CDC123: variants seen among roughly 807,000 people sequenced by gnomAD.
CDC123 encodes cell division cycle 123.
In CDC123, 37 loss-of-function variants were observed where a neutral mutation model predicts 54.4. That is an observed-to-expected ratio of 0.68 (90% CI 0.52 to 0.89). The LOEUF (loss-of-function observed/expected upper bound fraction) is 0.89, where lower values mean the gene tolerates loss of function less well. CDC123 is among the 40% of genes least tolerant of loss of function. The pLI, the probability that CDC123 is intolerant of heterozygous loss-of-function variation, is 0.00. For synonymous variants in CDC123, 144 were observed against 136.8 expected, an observed-to-expected ratio of 1.05 and a Z score of -0.37; for missense variants, 361 against 412.1, an observed-to-expected ratio of 0.88 and a Z score of 1.07.
chr10:12,204,132 A>T (rs1835482521), intron 2 of CDC123, among the ~76,000 whole-genome samples: 1 of 151,564 alleles, frequency 6.6e-6, no homozygotes, highest in Non-Finnish European at 1.5e-5. Flanking sequence ...TCTGATAAGT[A>T]ATGTATTTGG....
At chr10:12,237,432 TTTATTA>T (rs776471772) in intron 9 of CDC123, 166 bp downstream of exon 9, 3 of 494,788 alleles carry the variant, frequency 6.1e-6, no homozygotes, top group East Asian at 4.5e-5. Flanking sequence ...TTAATTTCTT[TTTATTA>T]TTATTATTTT....
chr10:12,242,481 C>T (rs1033295985), intron 10 of CDC123, among the ~76,000 whole-genome samples: 1 of 152,022 alleles, frequency 6.6e-6, no homozygotes, highest in African/African-American at 2.4e-5. Flanking sequence ...TTTTGTGTTA[C>T]GATCTTCATG....
At chr10:12,197,409 T>C (rs1397739566) in intron 1 of CDC123, among the ~76,000 whole-genome samples, 1 of 152,114 alleles carries the variant, frequency 6.6e-6, no homozygotes, top group Admixed American at 6.6e-5. Flanking sequence ...AGAGTTTTGT[T>C]CTGTCGCCCA....
rs376245493 is a variant in CDC123, at chr10:12,215,786, A to T, written c.284A>T (p.Asn95Ile). 2 of 1,612,832 alleles carry T rather than the reference A, an allele frequency of 1.2e-6. No individual in the cohort carries two copies. Among genetic ancestry groups the T allele is most frequent in the Non-Finnish European group, 1.7e-6 (2 of 1,179,654 alleles). ...GCCACTAAAGTCCAGGAAGCTATCA[A>T]TTCCCTCGGGGGCAGTGTCTTTCCT... is the stretch of plus-strand genomic sequence containing the variant. Reference protein sequence around the residue: ...EFATKVQEAINSLGGSVFPKL... With the variant: ...EFATKVQEAIISLGGSVFPKL... The change falls in exon 5 of 13, where the codon AAT becomes ATT. Residue 95 changes from asparagine to isoleucine, a missense_variant. Asn to Ile is a moderately radical substitution (Grantham distance 149). Transcript: ENST00000281141.
At chr10:12,214,743 A>G (rs191715812) in intron 4 of CDC123, among the ~76,000 whole-genome samples, 1 of 151,638 alleles carries the variant, frequency 6.6e-6, no homozygotes, top group East Asian at 1.9e-4. Context: ...CCACATAACT[A>G]TTTGATGTCA....
chr10:12,244,254 C>A (rs1052256687), intron 10 of CDC123, among the ~76,000 whole-genome samples: 1 of 152,236 alleles, frequency 6.6e-6, no homozygotes, highest in Admixed American at 6.5e-5. Flanking sequence ...CAGACACACA[C>A]CCGCTCAGGA....
chr10:12,228,956 C>T (rs2131751884), intron 6 of CDC123, among the ~76,000 whole-genome samples: 2 of 152,176 alleles, frequency 1.3e-5, no homozygotes, highest in South Asian at 4.1e-4. Flanking sequence ...CTCAAGCAAT[C>T]GGCCCGCCTC....
intron 2 of CDC123, among the ~76,000 whole-genome samples, chr10:12,207,162 TG>T (rs527426402): frequency 2.1e-3 from 313 of 152,270 alleles, no homozygotes; most frequent in Admixed American, 4.8e-3. Context: ...CCTATTATTT[TG>T]GTGTTTGATC....
At chr10:12,205,966 T>A in intron 2 of CDC123, among the ~76,000 whole-genome samples, 1 of 119,232 alleles carries the variant, frequency 8.4e-6, no homozygotes, top group Non-Finnish European at 2.0e-5. Flanking sequence ...GCCCAGCTAA[T>A]TTTTTTTGTA....
chr10:12,232,579 T>C (rs1300965667), intron 7 of CDC123, among the ~76,000 whole-genome samples: 3 of 152,272 alleles, frequency 2.0e-5, no homozygotes, highest in Middle Eastern at 3.4e-3. Flanking sequence ...CTTAGAGTGC[T>C]TGTAGGTGAG....
intron 2 of CDC123, among the ~76,000 whole-genome samples, chr10:12,200,699 G>C (rs1210439810): frequency 6.6e-6 from 1 of 151,996 alleles, no homozygotes; most frequent in African/African-American, 2.4e-5. Flanking sequence ...TTGGGAGGCC[G>C]AGTTGGGTGG....
At chr10:12,198,613 G>C (rs1481953800) in intron 1 of CDC123, 92 bp from the exon 2 acceptor site, 13 of 745,404 alleles carry the variant, frequency 1.7e-5, no homozygotes, top group Non-Finnish European at 2.8e-5. Context: ...TTAAAAGAAA[G>C]ACAATTCCAA....
intron 6 of CDC123, among the ~76,000 whole-genome samples, chr10:12,225,146 G>A (rs1835793361): frequency 6.6e-6 from 1 of 152,266 alleles, no homozygotes; most frequent in Non-Finnish European, 1.5e-5. Context: ...TGTAATCCCA[G>A]CACTTTGGGA....
intron 2 of CDC123, among the ~76,000 whole-genome samples, chr10:12,199,451 G>C (rs1478306192): frequency 6.6e-6 from 1 of 152,142 alleles, no homozygotes; most frequent in African/African-American, 2.4e-5. Context: ...ACTTCCACCT[G>C]ACAATTGTTA....
At position 12,196,210 on chromosome 10, in the gene CDC123, A is replaced by AG; in HGVS notation, c.-34dup. ...CCCAGAGTTCCGGGAGGGTGCAGGC[A>AG]GGAGAGGGAAAGGCAGCAGCGGCGG... On this transcript the variant is annotated 5_prime_UTR_variant, in exon 1 of 13. Transcript: ENST00000281141. The AG allele has an allele frequency of 6.2e-7, 1 of 1,613,686 alleles. No individual in the cohort carries two copies. Among genetic ancestry groups the AG allele is most frequent in the Non-Finnish European group, 8.5e-7 (1 of 1,179,932 alleles).
intron 7 of CDC123, among the ~76,000 whole-genome samples, chr10:12,231,965 C>T (rs1411544577): frequency 6.6e-6 from 1 of 152,108 alleles, no homozygotes; most frequent in East Asian, 1.9e-4. Context: ...CCTGCCTCAG[C>T]CTCCCGAGTA....
At chr10:12,210,151 G>C in intron 3 of CDC123, 127 bp downstream of exon 3, 2 of 1,438,948 alleles carry the variant, frequency 1.4e-6, no homozygotes, top group Admixed American at 2.0e-5. Flanking sequence ...ATCTTACTTT[G>C]ACATATATTT....
intron 7 of CDC123, 80 bp downstream of exon 7, chr10:12,231,076 A>G: frequency 7.5e-7 from 1 of 1,325,340 alleles, no homozygotes; most frequent in Non-Finnish European, 1.1e-6. Flanking sequence ...AAATGAAATG[A>G]ATGAAGTTTC....
At chr10:12,225,249 G>T (rs571673102) in intron 6 of CDC123, among the ~76,000 whole-genome samples, 1 of 152,208 alleles carries the variant, frequency 6.6e-6, no homozygotes, top group South Asian at 2.1e-4. Context: ...ACAAAAATTA[G>T]CTGGGCTTGG....
Sources: gnomAD v4.1 joint callset for allele counts (sites outside exome capture counted in the v4.1 genomes callset) on GRCh38, gnomAD v4.1.1 for gene constraint, MANE v1.5 for transcripts, NCBI Gene and HGNC (gene_info 2026-07-23, HGNC 2026-07-21) for gene names.